Variants in XKR4 observed in about 807,000 individuals in gnomAD.
The protein encoded by XKR4 is XK-related protein 4.
XKR4 carries 12 observed loss-of-function variants against 53.9 expected under a neutral mutation model. The observed-to-expected ratio is 0.22, with a 90% confidence interval of 0.14 to 0.36. XKR4 has a LOEUF of 0.36. Ranked by LOEUF, XKR4 falls within the 10% of genes least tolerant of loss-of-function variation. The pLI is 1.00. For synonymous variants in XKR4, 354 were observed against 362.4 expected, an observed-to-expected ratio of 0.98 and a Z score of 0.26; for missense variants, 799 against 859.5, an observed-to-expected ratio of 0.93 and a Z score of 0.88.
chr8:55,366,701 G>A (rs1311944825), intron 2 of XKR4, among the ~76,000 whole-genome samples: 3 of 152,142 alleles, frequency 2.0e-5, no homozygotes, highest in Non-Finnish European at 2.9e-5. Context: ...TCACCCATAT[G>A]TCCTGCCTTT....
At chr8:55,470,603 A>G (rs1270468612) in intron 2 of XKR4, among the ~76,000 whole-genome samples, 1 of 152,162 alleles carries the variant, frequency 6.6e-6, no homozygotes, top group East Asian at 1.9e-4. Context: ...CAGTGTGAAA[A>G]CAGACTAATA....
Position 55,102,284 on chromosome 8 carries a change from C to G in XKR4, c.-205C>G. The G allele has an allele frequency of 3.3e-6, 2 of 614,034 alleles. No homozygotes were observed. The highest frequency in any genetic ancestry group is 4.1e-6 in the Non-Finnish European group (2 of 493,084). The allele number at this position is 614,034 out of a possible 1,614,324, so 38.0% of individuals were successfully genotyped here. ...AGCCAGGCGGCGCTCCTGCCGGCCC[C>G]AGGCGCGCCGCTAGCCCGGCCCAGC... On this transcript the variant is annotated 5_prime_UTR_variant, in exon 1 of 3. Transcript: ENST00000327381. The surrounding 1 kb of genome is among the most constrained non-coding windows in gnomAD (Gnocchi z 5.1).
At chr8:55,446,557 C>T (rs1391655296) in intron 2 of XKR4, among the ~76,000 whole-genome samples, 1 of 152,082 alleles carries the variant, frequency 6.6e-6, no homozygotes, top group Non-Finnish European at 1.5e-5. Context: ...CCATGTTGCC[C>T]AGGCTGGTCT....
At chr8:55,171,839 C>A (rs1245542232) in intron 1 of XKR4, among the ~76,000 whole-genome samples, 1 of 152,134 alleles carries the variant, frequency 6.6e-6, no homozygotes, top group Non-Finnish European at 1.5e-5. Flanking sequence ...CTCCCGAGTC[C>A]AGATCCCCAT....
Position 55,539,347 on chromosome 8 carries a change from C to T in XKR4, c.*15120C>T, listed in dbSNP as rs974925292. The stretch of plus-strand genomic sequence containing the variant: ...TTCCATTGTGAAAAAAATGTGCACA[C>T]TCTTAAAAACACAAAATGGGTTTCA... On this transcript the variant is annotated 3_prime_UTR_variant, in exon 3 of 3. Coordinates refer to ENST00000327381, the MANE Select transcript of XKR4 (RefSeq NM_052898.2). 39 of 152,264 alleles carry T rather than the reference C, an allele frequency of 2.6e-4. No homozygotes were observed. The highest frequency in any genetic ancestry group is 9.4e-4 in the African/African-American group (39 of 41,560). 9.4% of individuals were successfully genotyped at this position (152,264 alleles called of 1,614,324 possible).
intron 1 of XKR4, among the ~76,000 whole-genome samples, chr8:55,213,917 A>C (rs1817766578): frequency 8.5e-6 from 1 of 118,218 alleles, no homozygotes; most frequent in Non-Finnish European, 1.6e-5. Flanking sequence ...GCTGGAGTGC[A>C]GTGGTGCAAT....
chr8:55,267,612 G>A (rs1818626363), intron 1 of XKR4, among the ~76,000 whole-genome samples: 1 of 58,654 alleles, frequency 1.7e-5, no homozygotes, highest in African/African-American at 4.0e-5. Context: ...GCATTAAATT[G>A]TAACCAAAGT....
chr8:55,149,602 T>C (rs1002112191), intron 1 of XKR4, among the ~76,000 whole-genome samples: 2 of 152,202 alleles, frequency 1.3e-5, no homozygotes, highest in African/African-American at 4.8e-5. Flanking sequence ...AGGGTGATCG[T>C]TCTCAGAATG....
chr8:55,503,913 T>TA (rs1380561517), intron 2 of XKR4, among the ~76,000 whole-genome samples: 1 of 152,126 alleles, frequency 6.6e-6, no homozygotes, highest in Non-Finnish European at 1.5e-5. Flanking sequence ...AATCTTGAAA[T>TA]AGTGTTAAAT....
intron 2 of XKR4, among the ~76,000 whole-genome samples, chr8:55,361,195 A>G (rs1803900517): frequency 1.3e-5 from 2 of 152,154 alleles, no homozygotes; most frequent in Non-Finnish European, 2.9e-5. Context: ...GTACTTCCAG[A>G]GAGTTTCCAG....
At chr8:55,463,448 C>G (rs1490873533) in intron 2 of XKR4, among the ~76,000 whole-genome samples, 1 of 151,106 alleles carries the variant, frequency 6.6e-6, no homozygotes, top group African/African-American at 2.4e-5. Context: ...ACACAACATA[C>G]CAGAATCTCT....
intron 1 of XKR4, among the ~76,000 whole-genome samples, chr8:55,211,149 G>A (rs1817724725): frequency 6.6e-6 from 1 of 152,116 alleles, no homozygotes; most frequent in African/African-American, 2.4e-5. Context: ...TGCCTGATTG[G>A]TTTCTTCCTT....
At chr8:55,132,519 A>G (rs931151) in intron 1 of XKR4, among the ~76,000 whole-genome samples, 130,164 of 152,212 alleles carry the variant, frequency 0.86, 55,733 homozygotes, top group South Asian at 0.93. Flanking sequence ...TGTGAATGTG[A>G]TCTCTCTCTG....
At position 55,537,069 on chromosome 8, in the gene XKR4, G is replaced by C. The variant is rs1807040720; in HGVS notation, c.*12842G>C. Reference sequence around the variant, plus strand: ...AATTATTTCATGGTGAATTTTATAAGGTTGATAGAAGTAAAAGCTATTTTT... The same window carrying C: ...AATTATTTCATGGTGAATTTTATAACGTTGATAGAAGTAAAAGCTATTTTT... On this transcript the variant is annotated 3_prime_UTR_variant, in exon 3 of 3. Coordinates refer to ENST00000327381, the MANE Select transcript of XKR4 (RefSeq NM_052898.2). The C allele has an allele frequency of 6.6e-6, 1 of 152,144 alleles. No individual in the cohort carries two copies. Among genetic ancestry groups the C allele is most frequent in the African/African-American group, 2.4e-5 (1 of 41,426 alleles). 9.4% of individuals were successfully genotyped at this position (152,144 alleles called of 1,614,324 possible).
intron 2 of XKR4, among the ~76,000 whole-genome samples, chr8:55,414,383 GTT>G (rs528420887): frequency 6.6e-6 from 1 of 151,976 alleles, no homozygotes; most frequent in Non-Finnish European, 1.5e-5. Flanking sequence ...TTCTCCAAAA[GTT>G]TTATAGACTA....
intron 2 of XKR4, among the ~76,000 whole-genome samples, chr8:55,419,982 G>A (rs1293564626): frequency 6.6e-6 from 1 of 152,114 alleles, no homozygotes; most frequent in Non-Finnish European, 1.5e-5. Flanking sequence ...TGAAATTCTT[G>A]CTGTTTGATT....
chr8:55,142,280 A>G (rs139669648), intron 1 of XKR4: 12 of 437,750 alleles, frequency 2.7e-5, no homozygotes, highest in African/African-American at 4.0e-5. Flanking sequence ...ATTCTCCTGG[A>G]TAAGGAAAGG....
At chr8:55,379,579 C>A (rs544068256) in intron 2 of XKR4, among the ~76,000 whole-genome samples, 2 of 152,210 alleles carry the variant, frequency 1.3e-5, no homozygotes, top group African/African-American at 4.8e-5. Flanking sequence ...ACAACAAATG[C>A]GCTCTGGGGC....
chr8:55,472,703 G>A (rs1463962193), intron 2 of XKR4, among the ~76,000 whole-genome samples: 2 of 152,042 alleles, frequency 1.3e-5, no homozygotes, highest in African/African-American at 2.4e-5. Context: ...CTCGGATTTC[G>A]CTATTCTGAG....
Sources: allele counts gnomAD v4.1 joint callset (sites outside exome capture counted in the v4.1 genomes callset), GRCh38; gene constraint gnomAD v4.1.1; non-coding constraint Gnocchi (gnomAD v3.1); transcripts MANE v1.5; gene names NCBI Gene and HGNC (gene_info 2026-07-23, HGNC 2026-07-21).